HDAC4: variants seen among roughly 807,000 people sequenced by gnomAD.
HDAC4 encodes histone deacetylase A.
A neutral mutation model predicts 135.1 loss-of-function variants in HDAC4; 16 were observed. That is an observed-to-expected ratio of 0.12 (90% CI 0.08 to 0.18). The LOEUF (loss-of-function observed/expected upper bound fraction) is 0.18. HDAC4 is among the 10% of genes least tolerant of loss of function. The pLI is 1.00. For synonymous variants in HDAC4, 685 were observed against 653.4 expected (o/e 1.05, Z -0.74); for missense variants, 1,143 against 1,511.8 (o/e 0.76, Z 4.05).
intron 2 of HDAC4, among the ~76,000 whole-genome samples, chr2:239,350,363 C>T (rs1343054162): frequency 1.3e-5 from 2 of 151,760 alleles, no homozygotes; most frequent in South Asian, 2.1e-4. Context: ...GAAAAATACA[C>T]TTTTCCAAGA....
intron 2 of HDAC4, among the ~76,000 whole-genome samples, chr2:239,270,056 C>T (rs977211376): frequency 6.6e-6 from 1 of 152,158 alleles, no homozygotes; most frequent in Non-Finnish European, 1.5e-5. Flanking sequence ...ACGCAGGTGG[C>T]CCTTGAGGTC....
intron 2 of HDAC4, among the ~76,000 whole-genome samples, chr2:239,257,478 C>G (rs1298439818): frequency 6.6e-6 from 1 of 152,066 alleles, no homozygotes; most frequent in African/African-American, 2.4e-5. Flanking sequence ...ATCTTTAGTA[C>G]TTTTGACCGC....
At position 239,199,809 on chromosome 2, in the gene HDAC4, C is replaced by A. The variant is rs180872779; in HGVS notation, c.95-9732G>T. ...AGTGCAGTGGCACGATCTTGGCTCA[C>A]TGCAAGCTCCGCCTCCCGGGCTCAC... On this transcript the variant is annotated intron_variant, in intron 3 of 26. Transcript: ENST00000543185. Among the ~76,000 whole-genome samples the A allele has an allele frequency of 7.9e-5, 12 of 151,774 alleles. No homozygotes were observed. In the East Asian group the frequency reaches 2.1e-3, roughly 27 times the overall value.
rs574961902 is a variant in HDAC4 at position 239,352,359 on chromosome 2, A to T, written c.22+319T>A. 6.6e-6 allele frequency among the ~76,000 whole-genome samples: 1 copy of T among 152,030 alleles called. No homozygotes were observed. Among genetic ancestry groups the T allele is most frequent in the Admixed American group, 6.6e-5 (1 of 15,260 alleles). ...CAACAAAGACACTGGGCAAGAAACC[A>T]GCTCTCCACATCACAACCTGACCTT... On this transcript the variant is annotated intron_variant, in intron 2 of 26. Transcript: ENST00000543185. This position sits in a 1 kb window ranked among gnomAD's most constrained non-coding sequence, Gnocchi z 4.4.
intron 2 of HDAC4, among the ~76,000 whole-genome samples, chr2:239,347,170 A>T (rs999645248): frequency 1.4e-5 from 2 of 144,830 alleles, no homozygotes; most frequent in African/African-American, 2.5e-5. Flanking sequence ...TAAATGCCAT[A>T]AAAATGCATC....
intron 2 of HDAC4, among the ~76,000 whole-genome samples, chr2:239,289,772 G>A (rs2051356570): frequency 6.6e-6 from 1 of 152,214 alleles, no homozygotes; most frequent in African/African-American, 2.4e-5. Flanking sequence ...TCTGCCCGCT[G>A]CCTGATCCTG....
At chr2:239,145,449 C>T (rs527696517) in intron 7 of HDAC4, among the ~76,000 whole-genome samples, 17 of 152,226 alleles carry the variant, frequency 1.1e-4, no homozygotes, top group Non-Finnish European at 1.8e-4. Flanking sequence ...TTCAGCCCAC[C>T]GTGGTCCCCA....
At chr2:239,250,386 G>A (rs1348334360) in intron 2 of HDAC4, among the ~76,000 whole-genome samples, 1 of 152,232 alleles carries the variant, frequency 6.6e-6, no homozygotes, top group Admixed American at 6.5e-5. Flanking sequence ...GAACCAGTGG[G>A]GAAGAACAAG....
chr2:239,095,703 G>A (rs566059153), intron 16 of HDAC4, among the ~76,000 whole-genome samples: 4 of 152,162 alleles, frequency 2.6e-5, no homozygotes, highest in East Asian at 1.9e-4. Flanking sequence ...TCTGGCACCC[G>A]CGCCTGCTCC....
Position 239,367,498 on chromosome 2 carries a change from C to T in HDAC4, c.-219-14580G>A, listed in dbSNP as rs570169440. On this transcript the variant is annotated intron_variant, in intron 1 of 26. Transcript: ENST00000543185. The stretch of plus-strand genomic sequence containing the variant: ...ATAAATACCAATACAGGTTGAGCAT[C>T]CCTAATCTAAGAATCCACAAACCAA... 3.9e-5 allele frequency among the ~76,000 whole-genome samples: 6 copies of T among 152,254 alleles called. No homozygotes were observed. In the South Asian group the frequency reaches 1.2e-3, roughly 32 times the overall value.
At chr2:239,155,592 G>C (rs553312783) in intron 7 of HDAC4, 1 of 152,498 alleles carries the variant, frequency 6.6e-6, no homozygotes, top group Non-Finnish European at 1.5e-5. Flanking sequence ...CTGCTCCAGG[G>C]ATGTGGCTGG....
chr2:239,053,510 C>G lies in HDAC4; in HGVS notation c.3180G>C (p.Thr1060=), dbSNP rs114003127. The change falls in exon 26 of 27, where the codon ACG becomes ACC. Residue 1060 remains threonine (T), a synonymous_variant. Coordinates refer to ENST00000543185, the MANE Select transcript of HDAC4 (RefSeq NM_001378414.1). ...CGGACAGCGAGGCCATGGCGGTGAC[C>G]GTCTCGGCTTCTTCGTTCTCGCAAG... ...AQTCENEEAE[T]VTAMASLSVG... 6.2e-7 allele frequency: 1 copy of G among 1,613,808 alleles called. No homozygotes were observed. Among genetic ancestry groups the G allele is most frequent in the Non-Finnish European group, 8.5e-7 (1 of 1,179,964 alleles).
intron 2 of HDAC4, among the ~76,000 whole-genome samples, chr2:239,283,006 C>G (rs560848580): frequency 5.3e-5 from 8 of 152,164 alleles, no homozygotes; most frequent in Non-Finnish European, 8.8e-5. Context: ...AATGTACATA[C>G]CACTCTACAC....
intron 5 of HDAC4, 33 bp downstream of exon 5, chr2:239,176,380 T>G: frequency 6.3e-7 from 1 of 1,584,364 alleles, no homozygotes. Flanking sequence ...CCGGCCTCCC[T>G]CCCTCTGCCT....
chr2:239,079,368 C>T (rs1316613954), intron 22 of HDAC4, among the ~76,000 whole-genome samples: 5 of 152,314 alleles, frequency 3.3e-5, no homozygotes, highest in East Asian at 3.9e-4. Flanking sequence ...GAACTCCCAC[C>T]GGCACAGCCC....
intron 15 of HDAC4, 98 bp downstream of exon 15, chr2:239,107,952 C>T: frequency 3.4e-6 from 5 of 1,492,462 alleles, no homozygotes; most frequent in South Asian, 1.1e-5. Context: ...CCCAAAGAAC[C>T]ACCTGCAAAA....
chr2:239,271,436 G>A (rs1019328203), intron 2 of HDAC4, among the ~76,000 whole-genome samples: 4 of 152,168 alleles, frequency 2.6e-5, no homozygotes, highest in African/African-American at 9.7e-5. Flanking sequence ...GGCTTAGTGT[G>A]TTTTTTGTTT....
At chr2:239,321,965 A>G (rs1236403707) in intron 2 of HDAC4, among the ~76,000 whole-genome samples, 1 of 152,258 alleles carries the variant, frequency 6.6e-6, no homozygotes, top group Non-Finnish European at 1.5e-5. Flanking sequence ...TGAAGCAACG[A>G]AAGCACAGAT....
At position 239,353,551 on chromosome 2, in the gene HDAC4, C is replaced by T. The variant is rs928168470; in HGVS notation, c.-219-633G>A. Among the ~76,000 whole-genome samples, 4 of 152,144 alleles carry T rather than the reference C, an allele frequency of 2.6e-5. No homozygotes were observed. The East Asian group carries it at 5.8e-4, about 22-fold the overall frequency. ...TATTTAGCAGGATCCTGGGCCTCCA[C>T]ACACCAGATGCCAGCAGCATCTTCC... On this transcript the variant is annotated intron_variant, in intron 1 of 26. Transcript: ENST00000543185.
Sources: allele counts gnomAD v4.1 joint callset (sites outside exome capture counted in the v4.1 genomes callset), GRCh38; gene constraint gnomAD v4.1.1; non-coding constraint Gnocchi (gnomAD v3.1); transcripts MANE v1.5; gene names NCBI Gene and HGNC (gene_info 2026-07-23, HGNC 2026-07-21).